MILR1: variants seen among roughly 807,000 people sequenced by gnomAD.
MILR1 encodes the protein mast cell immunoglobulin like receptor 1.
Under a neutral mutation model 18.5 loss-of-function variants are expected in MILR1, and 31 were observed. The ratio of observed to expected loss-of-function variants is 1.68; its 90% confidence interval spans 1.26 to 2.26. The LOEUF (loss-of-function observed/expected upper bound fraction) is 2.26. Among genes scored for constraint, MILR1 ranks in the 30% most tolerant of loss-of-function variants. The pLI, the probability that MILR1 is intolerant of heterozygous loss-of-function variation, is 0.00. For synonymous variants in MILR1, 85 were observed against 56.2 expected (o/e 1.51, Z -2.30); for missense variants, 257 against 157.4 (o/e 1.63, Z -3.38).
At chr17:64,475,661 A>C in the MILR1 span, among the ~76,000 whole-genome samples, 25 of 149,740 alleles carry the variant, frequency 1.7e-4, no homozygotes, top group East Asian at 4.9e-3. Context: ...AAAAAAAAAA[A>C]AAACAACAAA....
chr17:64,450,088 GCCA>G lies in MILR1; in HGVS notation c.97+737_97+739del, dbSNP rs1454119549. On this transcript the variant is annotated intron_variant, in intron 2 of 9. Transcript: ENST00000619286. ...CGAGTAGCTGGGACTACAGGCGTGT[GCCA>G]CCAAGCCTGGCTAATGTTTTGTATT... Among the ~76,000 whole-genome samples, 16 of 152,036 alleles carry G rather than the reference GCCA, an allele frequency of 1.1e-4. No individual in the cohort carries two copies. The South Asian group carries it at 3.1e-3, about 30-fold the overall frequency.
chr17:64,472,364 G>A (rs1227705883), downstream of MILR1, among the ~76,000 whole-genome samples: 1 of 149,000 alleles, frequency 6.7e-6, no homozygotes, highest in Non-Finnish European at 1.5e-5. Flanking sequence ...TACTGGGGAG[G>A]CTGAGGCATG....
At chr17:64,468,956 G>A (rs1032937421), downstream of MILR1, among the ~76,000 whole-genome samples, 4 of 151,920 alleles carry the variant, frequency 2.6e-5, no homozygotes, top group African/African-American at 7.2e-5. Flanking sequence ...GCACAGTGGC[G>A]GGCACTTGTA....
chr17:64,478,123 C>T, the MILR1 span: 1 of 812,196 alleles, frequency 1.2e-6, no homozygotes, highest in Non-Finnish European at 2.0e-6. Context: ...ACCAAAAAAA[C>T]CCAACATTTT....
downstream of MILR1, among the ~76,000 whole-genome samples, chr17:64,472,465 CAAAAAAAAAAAA>C (rs71158332): frequency 0.015 from 204 of 13,926 alleles, 1 homozygote; most frequent in African/African-American, 0.027. Context: ...GACTCCATCT[CAAAAAAAAAAAA>C]AAAAAAAAAA....
At chr17:64,486,393 C>A in the MILR1 span, among the ~76,000 whole-genome samples, 1 of 150,064 alleles carries the variant, frequency 6.7e-6, no homozygotes, top group Non-Finnish European at 1.5e-5. Flanking sequence ...CAGAGTCTCG[C>A]TCTGTCACCC....
At chr17:64,454,227 C>A (rs2037239929) in intron 3 of MILR1, among the ~76,000 whole-genome samples, 1 of 149,880 alleles carries the variant, frequency 6.7e-6, no homozygotes, top group South Asian at 2.1e-4. Flanking sequence ...CTGCTCCTGG[C>A]CAACGTTTAT....
intron 7 of MILR1, 21 bp from the exon 8 acceptor site, chr17:64,466,573 T>C (rs781870090): frequency 3.1e-6 from 5 of 1,611,142 alleles, no homozygotes; most frequent in Non-Finnish European, 4.2e-6. Context: ...CAATAATTCC[T>C]ATTCCTTATC....
the MILR1 span, among the ~76,000 whole-genome samples, chr17:64,497,203 G>A: frequency 1.3e-5 from 2 of 152,204 alleles, no homozygotes; most frequent in Non-Finnish European, 2.9e-5. Flanking sequence ...CGTTCGCGTC[G>A]CGCCCCTCCC....
rs1401118434 is a variant in MILR1 at position 64,452,746 on chromosome 17, G to A, written c.247G>A (p.Gly83Ser). 2 of 475,194 alleles carry A rather than the reference G, an allele frequency of 4.2e-6. No individual in the cohort carries two copies. The highest frequency in any genetic ancestry group is 4.0e-5 in the African/African-American group (2 of 50,510). The allele number at this position is 475,194 out of a possible 1,614,324, so 29.4% of individuals were successfully genotyped here. ...KTHLGTQDGK[G>S]EPAIFNLSIT... is the part of the protein sequence containing the mutation. ...ACACCTGGGAACCCAGGATGGAAAA[G>A]GTGAACCTGCGATTTTTAACCTAAG... is the stretch of plus-strand genomic sequence containing the variant. The change falls in exon 3 of 10, where the codon GGT (glycine) becomes AGT (serine). Residue 83 changes from glycine to serine, a missense_variant. Coordinates refer to ENST00000619286, the MANE Select transcript of MILR1 (RefSeq NM_001085423.2).
chr17:64,493,570 C>T, the MILR1 span, among the ~76,000 whole-genome samples: 3 of 152,046 alleles, frequency 2.0e-5, no homozygotes, highest in Non-Finnish European at 2.9e-5. Flanking sequence ...TTGCAACCTC[C>T]GCCTCCCGGG....
Position 64,466,467 on chromosome 17 carries a change from A to ATCCAGGCCGTGTGT in MILR1, c.881_894dup (p.Ser299ProfsTer73). On this transcript the variant is annotated frameshift_variant, in exon 7 of 10. Transcript: ENST00000619286. LOFTEE classifies it high-confidence loss of function. ...AGGAGGAATCTGTGCCAGAAGTGGG[A>ATCCAGGCCGTGTGT]TCCAGGCCGTGTGTTTCCACAGCCC... is the stretch of plus-strand genomic sequence containing the variant. 1 of 1,613,840 alleles carries ATCCAGGCCGTGTGT rather than the reference A, an allele frequency of 6.2e-7. No homozygotes were observed.
At chr17:64,465,404 A>G in intron 5 of MILR1, 48 bp from the exon 6 acceptor site, 1 of 1,365,544 alleles carries the variant, frequency 7.3e-7, no homozygotes, top group South Asian at 1.2e-5. Flanking sequence ...AGATGAGAAA[A>G]ATGTGGCTGA....
At chr17:64,494,648 A>T in the MILR1 span, among the ~76,000 whole-genome samples, 1 of 152,098 alleles carries the variant, frequency 6.6e-6, no homozygotes, top group Non-Finnish European at 1.5e-5. Context: ...GATTTTAGTC[A>T]ATGTGTTATG....
chr17:64,469,880 C>T (rs1185923004), downstream of MILR1, among the ~76,000 whole-genome samples: 2 of 152,080 alleles, frequency 1.3e-5, no homozygotes, highest in African/African-American at 4.8e-5. Flanking sequence ...TACTGAGACC[C>T]GACCCTGGTT....
At chr17:64,456,090 T>A (rs2037294414) in intron 3 of MILR1, among the ~76,000 whole-genome samples, 1 of 151,998 alleles carries the variant, frequency 6.6e-6, no homozygotes, top group Admixed American at 6.6e-5. Context: ...AAGTGTGGAC[T>A]CTTGAAGTCA....
In MILR1 at chr17:64,452,157, C is replaced by T. The variant is rs1019786413; in HGVS notation, c.98-440C>T. 1.1e-4 allele frequency among the ~76,000 whole-genome samples: 17 copies of T among 149,662 alleles called. 1 individual carries two copies. In the South Asian group the frequency reaches 1.3e-3, roughly 11 times the overall value. On this transcript the variant is annotated intron_variant, in intron 2 of 9. Coordinates refer to ENST00000619286, the MANE Select transcript of MILR1 (RefSeq NM_001085423.2). The stretch of plus-strand genomic sequence containing the variant: ...TCTCACTTGTTGCCCAGGCTGTTCT[C>T]GAACTCCTGACCTCAAGTGACCCTC...
At chr17:64,473,350 CAAA>C (rs1489803189), downstream of MILR1, among the ~76,000 whole-genome samples, 8 of 71,564 alleles carry the variant, frequency 1.1e-4, no homozygotes, top group African/African-American at 9.2e-5. Flanking sequence ...GGCTCCGTCT[CAAA>C]AAAAAAAAAA....
At chr17:64,489,943 T>C in the MILR1 span, among the ~76,000 whole-genome samples, 1 of 151,920 alleles carries the variant, frequency 6.6e-6, no homozygotes, top group Non-Finnish European at 1.5e-5. Flanking sequence ...TTTTTTTTTT[T>C]GAGACAGAGT....
Sources: allele counts gnomAD v4.1 joint callset (sites outside exome capture counted in the v4.1 genomes callset), GRCh38; gene constraint gnomAD v4.1.1; transcripts MANE v1.5; gene names NCBI Gene and HGNC (gene_info 2026-07-23, HGNC 2026-07-21).